The following DGAT2L6 variants were observed in gnomAD, a reference collection of about 807,000 sequenced individuals.
DGAT2L6 encodes the protein diacylglycerol O-acyltransferase 2-like protein 6.
DGAT2L6 carries 22 observed loss-of-function variants against 25.5 expected under a neutral mutation model. The ratio of observed to expected loss-of-function variants is 0.86; its 90% CI spans 0.62 to 1.23. The LOEUF (loss-of-function observed/expected upper bound fraction) is 1.23. Ranked by LOEUF, DGAT2L6 falls within the 50% of genes most tolerant of loss-of-function variation. The pLI is 0.00. For synonymous variants in DGAT2L6, 100 were observed against 94.7 expected, an observed-to-expected ratio of 1.06 and a Z score of -0.32; for missense variants, 287 against 253.2, an observed-to-expected ratio of 1.13 and a Z score of -0.91.
At chrX:70,193,553 G>C (rs992981329) in intron 1 of DGAT2L6, among the ~76,000 whole-genome samples, 2 of 111,762 alleles carry the variant, frequency 1.8e-5, no homozygotes, top group African/African-American at 3.3e-5. Context: ...CGTACACCAC[G>C]ATCAAGTGGG....
chrX:70,200,938 A>G (rs1001387759), intron 4 of DGAT2L6, among the ~76,000 whole-genome samples: 3 of 111,747 alleles, frequency 2.7e-5, no homozygotes, highest in African/African-American at 9.8e-5. Context: ...CTGGTCCATG[A>G]CTTTTATCTC....
intron 1 of DGAT2L6, among the ~76,000 whole-genome samples, chrX:70,182,964 T>C (rs1171268143): frequency 1.8e-5 from 2 of 110,594 alleles, no homozygotes; most frequent in Non-Finnish European, 1.9e-5. Flanking sequence ...CCATTTCTTT[T>C]GTATTTTTAG....
At chrX:70,201,497 C>T (rs1331899855) in intron 4 of DGAT2L6, among the ~76,000 whole-genome samples, 1 of 111,363 alleles carries the variant, frequency 9.0e-6, no homozygotes, top group Non-Finnish European at 1.9e-5. Flanking sequence ...TGGCTAGTCT[C>T]GATTACCCCT....
chrX:70,187,954 T>G (rs2085364444), intron 1 of DGAT2L6, among the ~76,000 whole-genome samples: 1 of 112,222 alleles, frequency 8.9e-6, no homozygotes, highest in Admixed American at 9.4e-5. Flanking sequence ...TGGAACAATG[T>G]AATCACTCTG....
chrX:70,196,486 C>CAAA lies in DGAT2L6; in HGVS notation c.86-2771_86-2769dup, dbSNP rs751597708. Among the ~76,000 whole-genome samples the CAAA allele has an allele frequency of 8.2e-3, 214 of 26,070 alleles. 1 individual carries two copies. The highest frequency in any genetic ancestry group is 0.029 in the Middle Eastern group (1 of 34). The allele number at this position is 26,070 out of a possible 115,157, so 22.6% of individuals were successfully genotyped here. A position where few individuals can be genotyped will look rare whatever the true frequency, so the allele number is the denominator to read the frequency against. ...TGGGTGACAGAACCAGATCCTGTCT[C>CAAA]AAAAAAAAAAAAAAAAGAAAGAAAA... On this transcript the variant is annotated intron_variant, in intron 1 of 6. Coordinates refer to ENST00000333026, the MANE Select transcript of DGAT2L6 (RefSeq NM_198512.3).
At position 70,199,803 on chromosome X, in the gene DGAT2L6, T is replaced by C; in HGVS notation, c.197-9T>C. Reference sequence around the variant, plus strand: ...CTGTGTACTCTTCCCTTCCCTTCTGTACCCACAGGTGGCAGGCGTTCAGCT... The same window carrying C: ...CTGTGTACTCTTCCCTTCCCTTCTGCACCCACAGGTGGCAGGCGTTCAGCT... On this transcript the variant is annotated splice_polypyrimidine_tract_variant and intron_variant, in intron 2 of 6. Transcript: ENST00000333026. 2 of 1,209,320 alleles carry C rather than the reference T, an allele frequency of 1.7e-6. No homozygotes were observed. Among genetic ancestry groups the C allele is most frequent in the South Asian group, 3.5e-5 (2 of 56,776 alleles).
At chrX:70,202,665 C>T (rs1344406672) in intron 5 of DGAT2L6, among the ~76,000 whole-genome samples, 1 of 111,581 alleles carries the variant, frequency 9.0e-6, no homozygotes, top group Middle Eastern at 4.2e-3. Flanking sequence ...TAGGCTACCA[C>T]CCCTTGGTTT....
Position 70,196,499 on chromosome X carries a change from A to G in DGAT2L6, c.86-2772A>G, listed in dbSNP as rs191791055. Among the ~76,000 whole-genome samples, 359 of 106,056 alleles carry G rather than the reference A, an allele frequency of 3.4e-3. 3 individuals carry two copies. The highest frequency in any genetic ancestry group is 5.4e-3 in the Non-Finnish European group (278 of 51,434). The allele number at this position is 106,056 out of a possible 115,157, so 92.1% of individuals were successfully genotyped here. A position where few individuals can be genotyped will look rare whatever the true frequency, so the allele number is the denominator to read the frequency against. On this transcript the variant is annotated intron_variant, in intron 1 of 6. Transcript: ENST00000333026. ...CAGATCCTGTCTCAAAAAAAAAAAA[A>G]AAAGAAAGAAAAAAGAAAAAAAAAG...
chrX:70,182,649 TTTTG>T (rs1405488037), intron 1 of DGAT2L6, among the ~76,000 whole-genome samples: 1 of 105,590 alleles, frequency 9.5e-6, no homozygotes, highest in African/African-American at 3.5e-5. Flanking sequence ...CCAGCTAATT[TTTTG>T]TTTGTTTGTT....
At chrX:70,194,944 G>T in intron 1 of DGAT2L6, among the ~76,000 whole-genome samples, 1 of 111,678 alleles carries the variant, frequency 9.0e-6, no homozygotes, top group East Asian at 2.8e-4. Flanking sequence ...TCAACAAAAT[G>T]AAAAGGCAAC....
At chrX:70,200,229 G>A in intron 3 of DGAT2L6, 26 bp from the exon 4 acceptor site, 3 of 1,195,983 alleles carry the variant, frequency 2.5e-6, no homozygotes, top group African/African-American at 1.7e-5. Context: ...TGTAGCCAAT[G>A]CTCTGACTCA....
Position 70,205,215 on chromosome X carries a change from G to C in DGAT2L6, c.*109G>C. The C allele has an allele frequency of 1.1e-6, 1 of 884,603 alleles. No individual in the cohort carries two copies. Among genetic ancestry groups the C allele is most frequent in the Non-Finnish European group, 1.5e-6 (1 of 672,358 alleles). 72.9% of individuals were successfully genotyped at this position (884,603 alleles called of 1,213,427 possible). A position where few individuals can be genotyped will look rare whatever the true frequency, so the allele number is the denominator to read the frequency against. ...GGGAAAGATCGTAAGGATGAGAGAG[G>C]AGACCATCCAAGCCAGAAATTATTT... On this transcript the variant is annotated 3_prime_UTR_variant, in exon 7 of 7. Transcript: ENST00000333026.
At chrX:70,188,862 G>GA (rs1569428275) in intron 1 of DGAT2L6, among the ~76,000 whole-genome samples, 1 of 104,510 alleles carries the variant, frequency 9.6e-6, no homozygotes, top group East Asian at 3.0e-4. Flanking sequence ...ATCTAAGCAT[G>GA]AAAAAACCCC....
intron 5 of DGAT2L6, among the ~76,000 whole-genome samples, chrX:70,203,141 C>T (rs779739922): frequency 4.1e-4 from 46 of 112,347 alleles, no homozygotes; most frequent in Admixed American, 1.0e-3. Flanking sequence ...CCATCTTGCT[C>T]TATTTTTTGC....
chrX:70,185,887 T>C (rs2147603529), intron 1 of DGAT2L6, among the ~76,000 whole-genome samples: 1 of 110,575 alleles, frequency 9.0e-6, no homozygotes, highest in African/African-American at 3.3e-5. Flanking sequence ...TGTTTTTTTT[T>C]TTTAAATTTC....
rs374079076 is a variant in DGAT2L6, at chrX:70,205,110, G to C, written c.*4G>C. The stretch of plus-strand genomic sequence containing the variant: ...CCAAGAGCTGACAATTACATAACAG[G>C]AGCCACATTCCCCATTGATCAACCC... On this transcript the variant is annotated 3_prime_UTR_variant, in exon 7 of 7. Transcript: ENST00000333026. The C allele has an allele frequency of 3.4e-6, 4 of 1,180,994 alleles. No homozygotes were observed. The highest frequency in any genetic ancestry group is 2.3e-6 in the Non-Finnish European group (2 of 883,645).
At chrX:70,199,595 T>C (rs186318004) in intron 2 of DGAT2L6, among the ~76,000 whole-genome samples, 1 of 111,507 alleles carries the variant, frequency 9.0e-6, no homozygotes, top group East Asian at 2.9e-4. Context: ...GCCCCCAGCT[T>C]CAGACTATTT....
At chrX:70,203,958 G>A (rs763900348) in intron 5 of DGAT2L6, among the ~76,000 whole-genome samples, 1 of 110,938 alleles carries the variant, frequency 9.0e-6, no homozygotes, top group African/African-American at 3.3e-5. Flanking sequence ...AGAGCAAAAA[G>A]GCCGTAAGGA....
intron 1 of DGAT2L6, among the ~76,000 whole-genome samples, chrX:70,197,657 T>A (rs1480777408): frequency 8.9e-6 from 1 of 112,737 alleles, no homozygotes; most frequent in African/African-American, 3.2e-5. Context: ...ACCTACTGTG[T>A]GCCAAGCTCT....
Sources: allele counts gnomAD v4.1 joint callset (sites outside exome capture counted in the v4.1 genomes callset), GRCh38; gene constraint gnomAD v4.1.1; transcripts MANE v1.5; gene names NCBI Gene and HGNC (gene_info 2026-07-23, HGNC 2026-07-21).